SEMA3C: variants seen among roughly 807,000 people sequenced by gnomAD.
SEMA3C encodes the protein semaphorin 3C, also known as semaphorin-3C.
In SEMA3C, 47 loss-of-function variants were observed where a neutral mutation model predicts 89.4. The ratio of observed to expected loss-of-function variants is 0.53; its 90% CI spans 0.42 to 0.67. SEMA3C has a LOEUF of 0.67. Among genes scored for constraint, SEMA3C ranks in the 30% least tolerant of loss-of-function variants. The pLI is 0.00. For missense variants in SEMA3C, 839 were observed against 929.1 expected (o/e 0.90, Z 1.26); for synonymous variants, 310 against 320.2 (o/e 0.97, Z 0.34).
At chr7:80,921,015 C>T (rs144555057), upstream of SEMA3C, among the ~76,000 whole-genome samples, 49 of 152,232 alleles carry the variant, frequency 3.2e-4, no homozygotes, top group East Asian at 9.3e-3. Context: ...AGATGGAATT[C>T]GTTTATACAT....
intron 2 of SEMA3C, among the ~76,000 whole-genome samples, chr7:80,856,583 GAAA>G (rs58566322): frequency 8.6e-6 from 1 of 116,314 alleles, no homozygotes. Context: ...AATTTATGCT[GAAA>G]AAAAAAAAAA....
chr7:80,783,416 C>A (rs1452514371), intron 12 of SEMA3C, among the ~76,000 whole-genome samples: 2 of 152,184 alleles, frequency 1.3e-5, no homozygotes, highest in Non-Finnish European at 2.9e-5. Flanking sequence ...CCTGTAGAAT[C>A]TATGGTAAAC....
chr7:80,745,667 C>T (rs1787784210), intron 17 of SEMA3C, among the ~76,000 whole-genome samples: 1 of 152,046 alleles, frequency 6.6e-6, no homozygotes, highest in Non-Finnish European at 1.5e-5. Context: ...AAATGAAACT[C>T]ATAGATACTT....
intron 15 of SEMA3C, among the ~76,000 whole-genome samples, chr7:80,751,941 T>G (rs2117034476): frequency 6.6e-6 from 1 of 152,312 alleles, no homozygotes; most frequent in South Asian, 2.1e-4. Flanking sequence ...ATGAGTAAAA[T>G]GAATACTGGT....
chr7:80,752,596 C>T (rs1445033596), intron 15 of SEMA3C, among the ~76,000 whole-genome samples: 2 of 126,014 alleles, frequency 1.6e-5, no homozygotes, highest in Non-Finnish European at 3.2e-5. Context: ...GCCTGGGTCA[C>T]AGGGTGAGAC....
chr7:80,776,112 T>G (rs908363744), intron 12 of SEMA3C, among the ~76,000 whole-genome samples: 1 of 152,106 alleles, frequency 6.6e-6, no homozygotes, highest in African/African-American at 2.4e-5. Context: ...GGAATACAAC[T>G]AATTTGCATT....
chr7:80,867,031 C>T (rs966281328), intron 2 of SEMA3C, among the ~76,000 whole-genome samples: 1 of 152,102 alleles, frequency 6.6e-6, no homozygotes, highest in African/African-American at 2.4e-5. Flanking sequence ...GGAAGAGTTT[C>T]GATTGCACTG....
At chr7:80,866,991 T>G (rs1487051565) in intron 2 of SEMA3C, among the ~76,000 whole-genome samples, 4 of 152,152 alleles carry the variant, frequency 2.6e-5, no homozygotes, top group African/African-American at 9.7e-5. Context: ...GAGCAAGTTT[T>G]AGGTAGAGAA....
intron 4 of SEMA3C, among the ~76,000 whole-genome samples, chr7:80,821,109 CTG>C (rs1290235648): frequency 2.0e-5 from 3 of 152,134 alleles, no homozygotes; most frequent in African/African-American, 7.2e-5. Context: ...ACATCCTAGA[CTG>C]TGAAATAATC....
intron 12 of SEMA3C, among the ~76,000 whole-genome samples, chr7:80,768,238 G>T (rs1006908221): frequency 6.6e-6 from 1 of 152,174 alleles, no homozygotes; most frequent in East Asian, 1.9e-4. Context: ...TGATAGCCGG[G>T]CGTGGTGGCT....
chr7:80,898,603 C>G (rs1158366995), intron 2 of SEMA3C, among the ~76,000 whole-genome samples: 6 of 152,002 alleles, frequency 3.9e-5, no homozygotes. Context: ...TCACACTAGT[C>G]CTGCAGCTCA....
rs1787710685 is a variant in SEMA3C at position 80,742,718 on chromosome 7, A to C, written c.*2176T>G. ...ACACTTTGGAAAAAAGTGTATTTCT[A>C]GAAAATTTTATGTACAATACAAATG... On this transcript the variant is annotated 3_prime_UTR_variant, in exon 18 of 18. Transcript: ENST00000265361. 6.6e-6 allele frequency: 1 copy of C among 151,980 alleles called. No homozygotes were observed. The highest frequency in any genetic ancestry group is 2.4e-5 in the African/African-American group (1 of 41,442). 9.4% of individuals were successfully genotyped at this position (151,980 alleles called of 1,614,324 possible). A position where few individuals can be genotyped will look rare whatever the true frequency, so the allele number is the denominator to read the frequency against.
intron 5 of SEMA3C, chr7:80,816,024 G>A (rs1789599217): frequency 6.6e-6 from 1 of 152,120 alleles, no homozygotes; most frequent in East Asian, 1.9e-4. Context: ...AGGAACAGAA[G>A]ACAAGGAGTA....
At chr7:80,857,650 A>C (rs1367203127) in intron 2 of SEMA3C, among the ~76,000 whole-genome samples, 9 of 152,312 alleles carry the variant, frequency 5.9e-5, no homozygotes, top group Non-Finnish European at 1.3e-4. Flanking sequence ...ATTTAAATCG[A>C]TCAAAACTTA....
At chr7:80,914,526 A>G (rs1176021754) in intron 2 of SEMA3C, among the ~76,000 whole-genome samples, 1 of 152,140 alleles carries the variant, frequency 6.6e-6, no homozygotes, top group Non-Finnish European at 1.5e-5. Context: ...GGAATGTTTA[A>G]AATTATTGAG....
At position 80,767,863 on chromosome 7, in the gene SEMA3C, T is replaced by G. The variant is rs1788339130; in HGVS notation, c.1355-2620A>C. Among the ~76,000 whole-genome samples, 2 of 152,318 alleles carry G rather than the reference T, an allele frequency of 1.3e-5. 1 individual carries two copies. Among genetic ancestry groups the G allele is most frequent in the South Asian group, 4.1e-4 (2 of 4,830 alleles). On this transcript the variant is annotated intron_variant, in intron 12 of 17. Coordinates refer to ENST00000265361, the MANE Select transcript of SEMA3C (RefSeq NM_006379.5). ...CGAGTTACTCTGACATAAAAGATTT[T>G]ATCTCATGTTTATAGTTTGTGTTTT...
chr7:80,754,947 GTTTT>G (rs1031680674), intron 15 of SEMA3C, among the ~76,000 whole-genome samples: 1 of 13,136 alleles, frequency 7.6e-5, no homozygotes, highest in Non-Finnish European at 3.0e-4. Context: ...CTGGCGAATT[GTTTT>G]TTTTTGTTTT....
intron 12 of SEMA3C, among the ~76,000 whole-genome samples, chr7:80,783,699 A>G (rs2117097316): frequency 6.6e-6 from 1 of 152,320 alleles, no homozygotes; most frequent in Non-Finnish European, 1.5e-5. Context: ...CCATTCCAAG[A>G]GATGCAACTG....
chr7:80,819,603 A>G (rs761252236), intron 4 of SEMA3C, among the ~76,000 whole-genome samples: 39 of 152,298 alleles, frequency 2.6e-4, no homozygotes, highest in Admixed American at 1.8e-3. Context: ...GGAATGACAT[A>G]ATCAATCTCT....
Sources: allele counts gnomAD v4.1 joint callset (sites outside exome capture counted in the v4.1 genomes callset), GRCh38; gene constraint gnomAD v4.1.1; transcripts MANE v1.5; gene names NCBI Gene and HGNC (gene_info 2026-07-23, HGNC 2026-07-21).